CUL4A: variants seen among roughly 807,000 people sequenced by gnomAD.
CUL4A encodes cullin 4A.
A neutral mutation model predicts 95.5 loss-of-function variants in CUL4A; 16 were observed. That is an observed-to-expected ratio of 0.17 (90% CI 0.11 to 0.25). CUL4A has a LOEUF of 0.25. Ranked by LOEUF, CUL4A falls within the 10% of genes least tolerant of loss-of-function variation. The probability of loss-of-function intolerance (pLI) is 1.00; values close to 1 mark genes in which losing one functional copy is unlikely to be tolerated. For synonymous variants in CUL4A, 380 were observed against 353.1 expected, an observed-to-expected ratio of 1.08 and a Z score of -0.85; for missense variants, 610 against 937.0, an observed-to-expected ratio of 0.65 and a Z score of 4.56.
intron 10 of CUL4A, among the ~76,000 whole-genome samples, chr13:113,242,599 G>A (rs1036791515): frequency 6.6e-6 from 1 of 152,090 alleles, no homozygotes; most frequent in Non-Finnish European, 1.5e-5. Flanking sequence ...AGACCAGCCT[G>A]GGCAACATGA....
At chr13:113,244,367 C>CT in intron 11 of CUL4A, 43 bp from the exon 12 acceptor site, 1 of 1,428,684 alleles carries the variant, frequency 7.0e-7, no homozygotes, top group South Asian at 1.2e-5. Context: ...AAGATGCTCT[C>CT]TTTTTCTAGT....
intron 5 of CUL4A, chr13:113,230,060 T>A: frequency 5.0e-6 from 1 of 199,582 alleles, no homozygotes; most frequent in African/African-American, 2.3e-5. Context: ...GTGTGTCCTC[T>A]GTGGCCACCC....
chr13:113,234,915 C>T, intron 7 of CUL4A, 148 bp from the exon 8 acceptor site: 1 of 607,564 alleles, frequency 1.6e-6, no homozygotes, highest in Non-Finnish European at 2.9e-6. Flanking sequence ...TCCTACCTCT[C>T]CCTCCCTGTT....
chr13:113,226,529 G>C (rs887820294), intron 3 of CUL4A, among the ~76,000 whole-genome samples: 2 of 152,210 alleles, frequency 1.3e-5, no homozygotes, highest in African/African-American at 4.8e-5. Flanking sequence ...AGCTTTGCAT[G>C]AACCTGAGGG....
intron 18 of CUL4A, among the ~76,000 whole-genome samples, chr13:113,256,185 G>C (rs914702939): frequency 6.6e-6 from 1 of 152,152 alleles, no homozygotes; most frequent in Non-Finnish European, 1.5e-5. Context: ...TGGGATCACT[G>C]TACATATGGC....
chr13:113,249,591 C>T (rs1439714432), intron 15 of CUL4A, among the ~76,000 whole-genome samples: 1 of 152,156 alleles, frequency 6.6e-6, no homozygotes, highest in African/African-American at 2.4e-5. Context: ...GTTTGAACAC[C>T]TGCGGTCACT....
Position 113,263,598 on chromosome 13 carries a change from T to C in CUL4A, c.*16T>C. 1 of 1,515,130 alleles carries C rather than the reference T, an allele frequency of 6.6e-7. No homozygotes were observed. Among genetic ancestry groups the C allele is most frequent in the Non-Finnish European group, 9.0e-7 (1 of 1,107,072 alleles). The allele number at this position is 1,515,130 out of a possible 1,614,324, so 93.9% of individuals were successfully genotyped here. Reference sequence around the variant, plus strand: ...CGTGGCCTGACGCATCTGCAGACGGTTCCCCTTCATGAAACACTAGAATGT... The same window carrying C: ...CGTGGCCTGACGCATCTGCAGACGGCTCCCCTTCATGAAACACTAGAATGT... On this transcript the variant is annotated 3_prime_UTR_variant, in exon 20 of 20. Coordinates refer to ENST00000375440, the MANE Select transcript of CUL4A (RefSeq NM_001008895.4).
In CUL4A at chr13:113,263,755, A is replaced by T. The variant is rs1445009011; in HGVS notation, c.*173A>T. On this transcript the variant is annotated 3_prime_UTR_variant, in exon 20 of 20. Transcript: ENST00000375440. ...CAAGGCTCAAGACTTCAACCTGCAG[A>T]TGTATCTTTTTCCCTCCAGTTTTTC... is the stretch of plus-strand genomic sequence containing the variant. 2.3e-6 allele frequency: 1 copy of T among 433,948 alleles called. No homozygotes were observed. The highest frequency in any genetic ancestry group is 2.0e-5 in the African/African-American group (1 of 49,218). The allele number at this position is 433,948 out of a possible 1,614,324, so 26.9% of individuals were successfully genotyped here.
At position 113,250,226 on chromosome 13, in the gene CUL4A, A is replaced by G. The variant is rs79936625; in HGVS notation, c.1639-2856A>G. ...TGTAATCTCAGAACTTTGGGAAGCC[A>G]AAGATCACTTGAGCCCAGGAGTTAG... On this transcript the variant is annotated intron_variant, in intron 15 of 19. Coordinates refer to ENST00000375440, the MANE Select transcript of CUL4A (RefSeq NM_001008895.4). Among the ~76,000 whole-genome samples, 14 of 152,282 alleles carry G rather than the reference A, an allele frequency of 9.2e-5. No individual in the cohort carries two copies. The East Asian group carries it at 2.7e-3, about 29-fold the overall frequency.
chr13:113,251,783 A>G (rs3861720), intron 15 of CUL4A, among the ~76,000 whole-genome samples: 31,346 of 152,162 alleles, frequency 0.21, 3,874 homozygotes, highest in South Asian at 0.43. Context: ...CTGTGAGCCA[A>G]TTAAACTTTC....
At chr13:113,235,753 A>G (rs942547669) in intron 8 of CUL4A, among the ~76,000 whole-genome samples, 1 of 152,040 alleles carries the variant, frequency 6.6e-6, no homozygotes, top group Non-Finnish European at 1.5e-5. Context: ...GGCAGATCAC[A>G]AAGTCAGGAG....
chr13:113,215,463 C>T (rs1470673333), intron 2 of CUL4A, among the ~76,000 whole-genome samples: 2 of 116,974 alleles, frequency 1.7e-5, no homozygotes, highest in African/African-American at 6.8e-5. Context: ...TTACTGTGTG[C>T]CTATGGAGGT....
chr13:113,232,929 T>G (rs983067095), intron 5 of CUL4A, among the ~76,000 whole-genome samples: 7 of 152,176 alleles, frequency 4.6e-5, no homozygotes, highest in African/African-American at 1.7e-4. Context: ...CCAGTTTTAC[T>G]GTCAGTGGCA....
At position 113,235,766 on chromosome 13, in the gene CUL4A, C is replaced by T. The variant is rs143294874; in HGVS notation, c.848+621C>T. Among the ~76,000 whole-genome samples, 400 of 151,998 alleles carry T rather than the reference C, an allele frequency of 2.6e-3. 3 individuals are homozygous for T. The highest frequency in any genetic ancestry group is 3.4e-3 in the Middle Eastern group (1 of 294). ...TGGGCAGATCACAAAGTCAGGAGAT[C>T]GAGACCATCCTGACCAACATGGTGA... On this transcript the variant is annotated intron_variant, in intron 8 of 19. Coordinates refer to ENST00000375440, the MANE Select transcript of CUL4A (RefSeq NM_001008895.4).
chr13:113,221,041 T>A (rs778467926), intron 3 of CUL4A, among the ~76,000 whole-genome samples: 1 of 152,188 alleles, frequency 6.6e-6, no homozygotes, highest in Non-Finnish European at 1.5e-5. Context: ...ATGTGAAGCA[T>A]CTGGGGCAGA....
rs1401943717 is a variant in CUL4A at position 113,255,044 on chromosome 13, T to C, written c.1950T>C (p.Asp650=). 6.2e-7 allele frequency: 1 copy of C among 1,614,070 alleles called. No homozygotes were observed. The highest frequency in any genetic ancestry group is 8.5e-7 in the Non-Finnish European group (1 of 1,180,018). The change falls in exon 18 of 20, where the codon GAT becomes GAC. Residue 650 remains aspartate (D), a synonymous_variant. Coordinates refer to ENST00000375440, the MANE Select transcript of CUL4A (RefSeq NM_001008895.4). ...IKSPKGKEVE[D]GDKFIFNGEF... is the part of the protein sequence containing the mutation. The stretch of plus-strand genomic sequence containing the variant: ...GTCCCAAAGGAAAGGAAGTGGAAGA[T>C]GGAGACAAGTTCATTTTTAATGGAG...
chr13:113,256,736 C>G (rs1391150668), intron 18 of CUL4A, among the ~76,000 whole-genome samples: 2 of 152,124 alleles, frequency 1.3e-5, no homozygotes, highest in Non-Finnish European at 2.9e-5. Flanking sequence ...GTTTAGAAAG[C>G]TCTTTGCCAC....
In CUL4A at chr13:113,233,207, T is replaced by C; in HGVS notation, c.543T>C (p.His181=). 6.2e-7 allele frequency: 1 copy of C among 1,614,090 alleles called. No homozygotes were observed. Among genetic ancestry groups the C allele is most frequent in the Non-Finnish European group, 8.5e-7 (1 of 1,179,962 alleles). Residue 181 remains histidine (H), a synonymous_variant, in exon 6 of 20, where the codon CAT becomes CAC. Coordinates refer to ENST00000375440, the MANE Select transcript of CUL4A (RefSeq NM_001008895.4). Reference sequence around the variant, plus strand: ...TGGGATTAGAACTGTTTAGAACCCATATTATTAGTGATAAAATGGTTCAGA... The same window carrying C: ...TGGGATTAGAACTGTTTAGAACCCACATTATTAGTGATAAAATGGTTCAGA... ...WDMGLELFRT[H]IISDKMVQSK...
intron 10 of CUL4A, among the ~76,000 whole-genome samples, chr13:113,240,849 G>A (rs2041688500): frequency 6.6e-6 from 1 of 152,136 alleles, no homozygotes; most frequent in Non-Finnish European, 1.5e-5. Flanking sequence ...CGGGTGCGCT[G>A]CCATGTCAGT....
Sources: allele counts gnomAD v4.1 joint callset (sites outside exome capture counted in the v4.1 genomes callset), GRCh38; gene constraint gnomAD v4.1.1; transcripts MANE v1.5; gene names NCBI Gene and HGNC (gene_info 2026-07-23, HGNC 2026-07-21).